The following IGF2BP1 variants were observed in gnomAD, a reference collection of about 807,000 sequenced individuals.
IGF2BP1 encodes the protein insulin like growth factor 2 mRNA binding protein 1.
A neutral mutation model predicts 74.9 loss-of-function variants in IGF2BP1; 11 were observed. The ratio of observed to expected loss-of-function variants is 0.15; its 90% confidence interval spans 0.09 to 0.24. IGF2BP1 has a LOEUF of 0.24. Among genes scored for constraint, IGF2BP1 ranks in the 10% least tolerant of loss-of-function variants. IGF2BP1 has a pLI of 1.00. For synonymous variants in IGF2BP1, 287 were observed against 281.8 expected (o/e 1.02, Z -0.18); for missense variants, 440 against 757.4 (o/e 0.58, Z 4.92).
At chr17:49,024,562 A>C (rs767260335) in intron 2 of IGF2BP1, among the ~76,000 whole-genome samples, 2 of 152,142 alleles carry the variant, frequency 1.3e-5, no homozygotes, top group Non-Finnish European at 2.9e-5. Context: ...TACTTCAAGT[A>C]CTTACATTTT....
chr17:49,028,656 A>G (rs2041884520), intron 4 of IGF2BP1, among the ~76,000 whole-genome samples: 1 of 152,170 alleles, frequency 6.6e-6, no homozygotes, highest in Non-Finnish European at 1.5e-5. Context: ...GCTGTAACAC[A>G]CCCTGTCTGG....
intron 1 of IGF2BP1, 150 bp from the exon 2 acceptor site, chr17:48,998,959 C>T (rs893952245): frequency 1.6e-5 from 10 of 615,598 alleles, no homozygotes; most frequent in South Asian, 1.6e-4. Flanking sequence ...AACCTTTTTC[C>T]CATCTGGATG....
At chr17:49,045,766 T>C (rs1208612504) in intron 12 of IGF2BP1, 124 bp from the exon 13 acceptor site, 1 of 984,460 alleles carries the variant, frequency 1.0e-6, no homozygotes, top group African/African-American at 1.7e-5. Flanking sequence ...CTTAGATGGT[T>C]AGCCCGCCTA....
chr17:49,010,313 C>CT (rs397857828), intron 2 of IGF2BP1, among the ~76,000 whole-genome samples: 5,127 of 105,494 alleles, frequency 0.049, 241 homozygotes, highest in African/African-American at 0.08. Flanking sequence ...TGGTGGTCAT[C>CT]TTTTTTTTTT....
chr17:49,014,745 G>T, intron 2 of IGF2BP1: 1 of 984,956 alleles, frequency 1.0e-6, no homozygotes, highest in Non-Finnish European at 1.2e-6. Context: ...CGCTTGCGGG[G>T]CTGGTGCCCA....
chr17:49,046,049 C>T, intron 13 of IGF2BP1, 28 bp downstream of exon 13: 1 of 1,611,384 alleles, frequency 6.2e-7, no homozygotes, highest in Non-Finnish European at 8.5e-7. Context: ...GGTTGAAAGC[C>T]CTGGGCCTTG....
At chr17:48,997,161 G>T (rs1330454132), upstream of IGF2BP1, among the ~76,000 whole-genome samples, 3 of 151,922 alleles carry the variant, frequency 2.0e-5, no homozygotes, top group Admixed American at 6.6e-5. The surrounding 1 kb of genome is among the most constrained non-coding windows in gnomAD (Gnocchi z 4.8). Context: ...GCTTCCCTAG[G>T]GGCCAGGTTC....
intron 14 of IGF2BP1, among the ~76,000 whole-genome samples, chr17:49,047,673 A>T (rs2042120180): frequency 6.6e-6 from 1 of 151,158 alleles, no homozygotes; most frequent in Non-Finnish European, 1.5e-5. Flanking sequence ...TGGACCTCTT[A>T]TTGACTTACA....
chr17:49,043,426 A>G lies in IGF2BP1; in HGVS notation c.1078-2A>G. The G allele has an allele frequency of 6.2e-7, 1 of 1,613,706 alleles. No homozygotes were observed. The highest frequency in any genetic ancestry group is 8.5e-7 in the Non-Finnish European group (1 of 1,179,932). On this transcript the variant is annotated splice_acceptor_variant, in intron 9 of 14. Coordinates refer to ENST00000290341, the MANE Select transcript of IGF2BP1 (RefSeq NM_006546.4). LOFTEE classifies it high-confidence loss of function. ...CTCTTCCTCCTCATCTTTCTTCCCCAGCTGCAGTCTCACCTGATCCCTGGC... is the reference window on the plus strand; with the variant it reads ...CTCTTCCTCCTCATCTTTCTTCCCCGGCTGCAGTCTCACCTGATCCCTGGC...
At chr17:49,003,432 C>A (rs772318850) in intron 2 of IGF2BP1, among the ~76,000 whole-genome samples, 7 of 152,080 alleles carry the variant, frequency 4.6e-5, no homozygotes, top group Non-Finnish European at 1.0e-4. Flanking sequence ...TGGGGAACAG[C>A]AAGTGCTATT....
At chr17:49,021,946 G>A (rs2041797802) in intron 2 of IGF2BP1, among the ~76,000 whole-genome samples, 1 of 152,206 alleles carries the variant, frequency 6.6e-6, no homozygotes. Context: ...TTCCCCACCA[G>A]TGCAGAAGTA....
intron 6 of IGF2BP1, among the ~76,000 whole-genome samples, chr17:49,039,422 T>G (rs2042025446): frequency 6.6e-6 from 1 of 151,918 alleles, no homozygotes; most frequent in African/African-American, 2.4e-5. Flanking sequence ...GCTTGCTTAT[T>G]TATTTATTTT....
At chr17:49,035,316 C>A (rs1273520711) in intron 5 of IGF2BP1, among the ~76,000 whole-genome samples, 4 of 152,186 alleles carry the variant, frequency 2.6e-5, no homozygotes, top group Admixed American at 2.6e-4. Flanking sequence ...GATTACAGAC[C>A]TAAATGTATT....
intron 2 of IGF2BP1, among the ~76,000 whole-genome samples, chr17:49,003,274 G>A (rs1158809388): frequency 6.6e-6 from 1 of 152,046 alleles, no homozygotes; most frequent in Non-Finnish European, 1.5e-5. Flanking sequence ...ATGTGTGTGG[G>A]TACTTTTAAG....
chr17:49,020,051 T>G (rs1441852678), intron 2 of IGF2BP1, among the ~76,000 whole-genome samples: 16 of 20,568 alleles, frequency 7.8e-4, no homozygotes, highest in African/African-American at 3.1e-3. Context: ...TGTATTTTTT[T>G]GGGGGGGTGG....
At chr17:49,032,065 C>T in intron 5 of IGF2BP1, 92 bp downstream of exon 5, 1 of 1,136,204 alleles carries the variant, frequency 8.8e-7, no homozygotes. Context: ...TCAGGGGGGT[C>T]TAGGCAGGCT....
chr17:49,048,536 A>G (rs946214210), intron 14 of IGF2BP1, among the ~76,000 whole-genome samples: 2 of 152,090 alleles, frequency 1.3e-5, no homozygotes, highest in African/African-American at 4.8e-5. Flanking sequence ...TACAGGCATG[A>G]GCCACCGTGC....
At chr17:49,039,191 A>G (rs2042021900) in intron 6 of IGF2BP1, among the ~76,000 whole-genome samples, 1 of 151,930 alleles carries the variant, frequency 6.6e-6, no homozygotes, top group Non-Finnish European at 1.5e-5. Flanking sequence ...TCTAATCTTT[A>G]TATCTGATCA....
chr17:49,018,458 A>G (rs2041736225), intron 2 of IGF2BP1, among the ~76,000 whole-genome samples: 1 of 152,196 alleles, frequency 6.6e-6, no homozygotes. Context: ...AGATGCCTGC[A>G]GCCATGACTG....
Sources: allele counts gnomAD v4.1 joint callset (sites outside exome capture counted in the v4.1 genomes callset), GRCh38; gene constraint gnomAD v4.1.1; non-coding constraint Gnocchi (gnomAD v3.1); transcripts MANE v1.5; gene names NCBI Gene and HGNC (gene_info 2026-07-23, HGNC 2026-07-21).